NUMB: variants seen among roughly 807,000 people sequenced by gnomAD.
The protein encoded by NUMB is NUMB endocytic adaptor protein.
NUMB carries 29 observed loss-of-function variants against 59.7 expected under a neutral mutation model. The ratio of observed to expected loss-of-function variants is 0.49; its 90% CI spans 0.36 to 0.66. The LOEUF is 0.66. Among genes scored for constraint, NUMB ranks in the 30% least tolerant of loss-of-function variants. The probability of loss-of-function intolerance (pLI) is 0.00; values close to 1 mark genes in which losing one functional copy is unlikely to be tolerated. For missense variants in NUMB, 723 were observed against 822.0 expected (o/e 0.88, Z 1.47); for synonymous variants, 288 against 288.2 (o/e 1.00, Z 0.01).
intron 1 of NUMB, among the ~76,000 whole-genome samples, chr14:73,444,054 C>A (rs752302070): frequency 6.6e-6 from 1 of 152,034 alleles, no homozygotes; most frequent in East Asian, 1.9e-4. Flanking sequence ...ATTACAGGCA[C>A]GCACCACCTT....
rs538009073 is a variant in NUMB, at chr14:73,280,088, C to T, written c.1097-664G>A. The stretch of plus-strand genomic sequence containing the variant: ...AGGAGAATCACTTGAACCCGGGAGG[C>T]GGAGGTTGCAATGAGCCTAGATCAC... On this transcript the variant is annotated intron_variant, in intron 11 of 12. Coordinates refer to ENST00000555238, the MANE Select transcript of NUMB (RefSeq NM_001005743.2). 1.3e-4 allele frequency among the ~76,000 whole-genome samples: 20 copies of T among 152,020 alleles called. No individual in the cohort carries two copies. In the East Asian group the frequency reaches 2.7e-3, roughly 21 times the overall value.
At chr14:73,355,516 G>T in intron 4 of NUMB, 110 bp downstream of exon 4, 6 of 859,082 alleles carry the variant, frequency 7.0e-6, no homozygotes, top group Non-Finnish European at 1.0e-5. Flanking sequence ...GAATGTGAAG[G>T]GATTTGTTTT....
At chr14:73,353,816 C>T (rs1320257053) in intron 4 of NUMB, among the ~76,000 whole-genome samples, 1 of 151,902 alleles carries the variant, frequency 6.6e-6, no homozygotes, top group South Asian at 2.1e-4. Flanking sequence ...CTTCTACATA[C>T]GTAATACTCA....
At chr14:73,378,000 C>CACACAAAT (rs1895043910) in intron 2 of NUMB, among the ~76,000 whole-genome samples, 1 of 145,526 alleles carries the variant, frequency 6.9e-6, no homozygotes, top group Admixed American at 6.8e-5. Context: ...CACATACACA[C>CACACAAAT]ACACACACAC....
chr14:73,406,775 T>G (rs1896691191), intron 2 of NUMB, among the ~76,000 whole-genome samples: 1 of 152,202 alleles, frequency 6.6e-6, no homozygotes, highest in African/African-American at 2.4e-5. Flanking sequence ...GACTTTTTAA[T>G]GATCACCATT....
chr14:73,311,978 G>A (rs1890799412), intron 6 of NUMB, among the ~76,000 whole-genome samples: 1 of 152,124 alleles, frequency 6.6e-6, no homozygotes, highest in Non-Finnish European at 1.5e-5. Context: ...AGCACATTCT[G>A]GGTAAGATCA....
intron 9 of NUMB, chr14:73,284,707 T>C (rs535467631): frequency 1.0e-5 from 2 of 200,078 alleles, no homozygotes; most frequent in Non-Finnish European, 2.0e-5. Context: ...TGATTCATGA[T>C]TTTCAATGCT....
intron 1 of NUMB, among the ~76,000 whole-genome samples, chr14:73,413,427 A>C (rs1001933655): frequency 4.6e-5 from 7 of 151,910 alleles, no homozygotes; most frequent in Non-Finnish European, 1.0e-4. Context: ...ATTTTACCAG[A>C]ACTGGGAACA....
chr14:73,299,971 T>C (rs1373362313), intron 6 of NUMB, among the ~76,000 whole-genome samples: 1 of 152,186 alleles, frequency 6.6e-6, no homozygotes, highest in Non-Finnish European at 1.5e-5. Flanking sequence ...AAAATATTTG[T>C]AGTTTGTTAA....
intron 3 of NUMB, among the ~76,000 whole-genome samples, chr14:73,361,350 C>T (rs1894087161): frequency 2.6e-5 from 4 of 152,174 alleles, no homozygotes; most frequent in African/African-American, 7.2e-5. Flanking sequence ...GTTAAGTATT[C>T]TCCTCCTTTG....
chr14:73,455,751 TCTTA>T lies in NUMB; in HGVS notation c.-233+2738_-233+2741del, dbSNP rs556205524. On this transcript the variant is annotated intron_variant, in intron 1 of 12. Transcript: ENST00000555238. ...TTTCATTTTTCTCTTTTGCAGTGTT[TCTTA>T]CTTTGTTTTTGCTTATTTTCTATAC... 2.6e-4 allele frequency among the ~76,000 whole-genome samples: 39 copies of T among 152,330 alleles called. No individual in the cohort carries two copies. The South Asian group carries it at 6.0e-3, about 23-fold the overall frequency.
chr14:73,440,365 T>C (rs952188296), intron 1 of NUMB, among the ~76,000 whole-genome samples: 1 of 151,828 alleles, frequency 6.6e-6, no homozygotes, highest in African/African-American at 2.4e-5. Context: ...CAAAAATTAC[T>C]GCAAAATGGA....
At chr14:73,440,224 TATATGGATATCC>T (rs1211713262) in intron 1 of NUMB, among the ~76,000 whole-genome samples, 4 of 149,966 alleles carry the variant, frequency 2.7e-5, no homozygotes, top group Admixed American at 2.0e-4. Context: ...TCCATATATA[TATATGGATATCC>T]ATATATATAT....
At chr14:73,378,914 T>C (rs545260790) in intron 2 of NUMB, among the ~76,000 whole-genome samples, 31 of 152,306 alleles carry the variant, frequency 2.0e-4, no homozygotes, top group African/African-American at 7.5e-4. Flanking sequence ...GTAATAAAGA[T>C]GTGTGCTGGA....
chr14:73,428,074 A>G (rs1897663943), intron 1 of NUMB, among the ~76,000 whole-genome samples: 1 of 152,196 alleles, frequency 6.6e-6, no homozygotes, highest in African/African-American at 2.4e-5. Context: ...CAGACACAGG[A>G]CTTTCCTACC....
intron 1 of NUMB, among the ~76,000 whole-genome samples, chr14:73,444,792 G>C (rs1209144740): frequency 6.7e-6 from 1 of 149,724 alleles, no homozygotes; most frequent in African/African-American, 2.5e-5. Flanking sequence ...AGGAGGCGGA[G>C]GTTGCAGTGA....
chr14:73,378,061 A>C (rs982446212), intron 2 of NUMB, among the ~76,000 whole-genome samples: 1 of 152,100 alleles, frequency 6.6e-6, no homozygotes, highest in Non-Finnish European at 1.5e-5. Context: ...AAAACTTAAC[A>C]GTAAGAAAAC....
intron 1 of NUMB, among the ~76,000 whole-genome samples, chr14:73,438,587 C>T (rs545976967): frequency 2.9e-4 from 42 of 142,812 alleles, no homozygotes; most frequent in Middle Eastern, 3.9e-3. Context: ...GCCGAGATTG[C>T]GACACTGCAC....
At chr14:73,358,551 A>G (rs1324503173) in intron 3 of NUMB, among the ~76,000 whole-genome samples, 1 of 148,964 alleles carries the variant, frequency 6.7e-6, no homozygotes, top group Non-Finnish European at 1.5e-5. Context: ...GTTAAAGTCT[A>G]CTCATCTTTA....
Sources: gnomAD v4.1 joint callset for allele counts (sites outside exome capture counted in the v4.1 genomes callset) on GRCh38, gnomAD v4.1.1 for gene constraint, MANE v1.5 for transcripts, NCBI Gene and HGNC (gene_info 2026-07-23, HGNC 2026-07-21) for gene names.